The following GRAMD2B variants were observed in gnomAD, a reference collection of about 807,000 sequenced individuals.
GRAMD2B encodes the protein GRAM domain containing 2B.
GRAMD2B carries 41 observed loss-of-function variants against 59.2 expected under a neutral mutation model. The observed-to-expected ratio is 0.69, with a 90% CI of 0.54 to 0.90. GRAMD2B has a LOEUF of 0.90. GRAMD2B is among the 40% of genes least tolerant of loss of function. The pLI, the probability that GRAMD2B is intolerant of heterozygous loss-of-function variation, is 0.00. For missense variants in GRAMD2B, 424 were observed against 500.5 expected (o/e 0.85, Z 1.46); for synonymous variants, 161 against 182.7 (o/e 0.88, Z 0.96).
At chr5:126,406,628 T>G (rs1001886267) in intron 1 of GRAMD2B, among the ~76,000 whole-genome samples, 1 of 152,016 alleles carries the variant, frequency 6.6e-6, no homozygotes, top group Non-Finnish European at 1.5e-5. Flanking sequence ...TGTTATGTTT[T>G]CTGCTGTGTA....
intron 1 of GRAMD2B, among the ~76,000 whole-genome samples, chr5:126,404,149 T>C (rs1218044017): frequency 6.6e-6 from 1 of 151,812 alleles, no homozygotes; most frequent in Non-Finnish European, 1.5e-5. Context: ...AATAGCTACC[T>C]CCCCTGAAAT....
chr5:126,410,601 G>C (rs977279798), intron 1 of GRAMD2B, among the ~76,000 whole-genome samples: 3 of 152,026 alleles, frequency 2.0e-5, no homozygotes, highest in African/African-American at 7.2e-5. Context: ...TGAAACAATG[G>C]GGTTTTCTAG....
At chr5:126,471,738 G>T (rs758088297) in intron 3 of GRAMD2B, among the ~76,000 whole-genome samples, 4 of 152,152 alleles carry the variant, frequency 2.6e-5, no homozygotes, top group Non-Finnish European at 4.4e-5. Context: ...TTTGCCCTCT[G>T]GTACAGAAGA....
rs1756040875 is a variant in GRAMD2B, at chr5:126,385,468, A to G, written c.125+13901A>G. 3.9e-5 allele frequency among the ~76,000 whole-genome samples: 6 copies of G among 152,358 alleles called. No homozygotes were observed. In the South Asian group the frequency reaches 1.0e-3, roughly 26 times the overall value. On this transcript the variant is annotated intron_variant, in intron 1 of 8. Coordinates refer to the GRAMD2B transcript ENST00000506445. Reference sequence around the variant, plus strand: ...CATTTGTTTAAAAATTAATTATGGTAAAGTTGAATTAAGTTACATAGGAAA... The same window carrying G: ...CATTTGTTTAAAAATTAATTATGGTGAAGTTGAATTAAGTTACATAGGAAA...
intron 1 of GRAMD2B, among the ~76,000 whole-genome samples, chr5:126,425,430 A>G (rs1461407943): frequency 6.6e-6 from 1 of 152,212 alleles, no homozygotes; most frequent in East Asian, 1.9e-4. Flanking sequence ...GAATAGAAAA[A>G]CAAACACTGC....
intron 1 of GRAMD2B, among the ~76,000 whole-genome samples, chr5:126,447,643 G>A (rs532564655): frequency 4.4e-4 from 63 of 143,472 alleles, no homozygotes; most frequent in Non-Finnish European, 7.0e-4. Context: ...CAGCCTGGGC[G>A]ACAGAGCAAG....
upstream of GRAMD2B, among the ~76,000 whole-genome samples, chr5:126,370,088 G>A (rs188977261): frequency 3.9e-5 from 6 of 152,310 alleles, no homozygotes; most frequent in Non-Finnish European, 8.8e-5. Context: ...GCATGAGGGC[G>A]CTCAGCAGTA....
chr5:126,441,932 T>TTCAAA (rs1327437767), intron 1 of GRAMD2B, among the ~76,000 whole-genome samples: 3 of 152,122 alleles, frequency 2.0e-5, no homozygotes, highest in Non-Finnish European at 4.4e-5. Flanking sequence ...GTTAAAAATT[T>TTCAAA]TCAAATCAAA....
At position 126,493,501 on chromosome 5, in the gene GRAMD2B, T is replaced by C. The variant is rs894240038; in HGVS notation, c.*545T>C. 3.9e-5 allele frequency: 6 copies of C among 152,624 alleles called. No homozygotes were observed. The highest frequency in any genetic ancestry group is 1.4e-4 in the African/African-American group (6 of 41,558). 9.5% of individuals were successfully genotyped at this position (152,624 alleles called of 1,614,324 possible). ...CTTTTTTTTTTCAGTTCTCCTGTTA[T>C]GTTCTGGTTGAAATCACCTGTGTGT... On this transcript the variant is annotated 3_prime_UTR_variant, in exon 14 of 14. Transcript: ENST00000285689.
At chr5:126,437,671 C>T (rs1335955421) in intron 1 of GRAMD2B, among the ~76,000 whole-genome samples, 1 of 152,030 alleles carries the variant, frequency 6.6e-6, no homozygotes, top group Non-Finnish European at 1.5e-5. Flanking sequence ...CAAAAACAAC[C>T]AAACAAAATA....
chr5:126,449,871 A>G (rs559308834), intron 1 of GRAMD2B, among the ~76,000 whole-genome samples: 15 of 151,984 alleles, frequency 9.9e-5, no homozygotes, highest in Admixed American at 8.5e-4. Context: ...CTCTGTCCTC[A>G]TATGTGTGTG....
intron 5 of GRAMD2B, among the ~76,000 whole-genome samples, chr5:126,476,967 A>G (rs1180377798): frequency 6.6e-6 from 1 of 152,202 alleles, no homozygotes; most frequent in African/African-American, 2.4e-5. Context: ...GATAGCTTAC[A>G]AGGGGGAGTA....
intron 2 of GRAMD2B, among the ~76,000 whole-genome samples, chr5:126,467,868 C>T (rs1032014852): frequency 1.3e-5 from 2 of 152,140 alleles, no homozygotes; most frequent in Admixed American, 1.3e-4. Flanking sequence ...ACTGTAGTGG[C>T]TAGAAGAGGC....
intron 1 of GRAMD2B, among the ~76,000 whole-genome samples, chr5:126,401,792 AGT>A (rs1041409143): frequency 4.2e-4 from 64 of 152,212 alleles, no homozygotes; most frequent in African/African-American, 1.5e-3. Flanking sequence ...ATTATTACAC[AGT>A]GTTTTGGGTA....
intron 5 of GRAMD2B, 132 bp from the exon 6 acceptor site, chr5:126,477,560 C>T: frequency 2.9e-6 from 2 of 684,170 alleles, no homozygotes; most frequent in South Asian, 3.4e-5. Context: ...GGCTTTTTTT[C>T]ATGGAGGCTG....
chr5:126,388,663 T>C (rs891630096), intron 1 of GRAMD2B, among the ~76,000 whole-genome samples: 13 of 151,444 alleles, frequency 8.6e-5, no homozygotes, highest in Non-Finnish European at 1.6e-4. Flanking sequence ...GTATAAGCCA[T>C]GTAATTCAGC....
chr5:126,443,146 GGTTGACA>G (rs1763587779), intron 1 of GRAMD2B, among the ~76,000 whole-genome samples: 1 of 152,132 alleles, frequency 6.6e-6, no homozygotes, highest in South Asian at 2.1e-4. Context: ...GTCTTGGCTT[GGTTGACA>G]CTCAGCTCAG....
chr5:126,453,870 T>A (rs1458599407), intron 1 of GRAMD2B, among the ~76,000 whole-genome samples: 1 of 152,238 alleles, frequency 6.6e-6, no homozygotes, highest in Non-Finnish European at 1.5e-5. Context: ...GGTTTTGAGA[T>A]AAAATTTAAG....
chr5:126,458,069 T>C (rs1766654227), intron 1 of GRAMD2B, among the ~76,000 whole-genome samples: 1 of 152,226 alleles, frequency 6.6e-6, no homozygotes, highest in Non-Finnish European at 1.5e-5. Context: ...TTGGTTCATC[T>C]TGGTCTTTTC....
Sources: gnomAD v4.1 joint callset for allele counts (sites outside exome capture counted in the v4.1 genomes callset) on GRCh38, gnomAD v4.1.1 for gene constraint, MANE v1.5 for transcripts, NCBI Gene and HGNC (gene_info 2026-07-23, HGNC 2026-07-21) for gene names.